The following FBXO3 variants were observed in gnomAD, a reference collection of about 807,000 sequenced individuals.
FBXO3 encodes the protein F-box protein 3.
Under a neutral mutation model 64.8 loss-of-function variants are expected in FBXO3, and 17 were observed. That is an observed-to-expected ratio of 0.26 (90% CI 0.18 to 0.39). The LOEUF is 0.39. FBXO3 is among the 10% of genes least tolerant of loss of function. The pLI, the probability that FBXO3 is intolerant of heterozygous loss-of-function variation, is 1.00. For missense variants in FBXO3, 420 were observed against 589.9 expected (o/e 0.71, Z 2.98); for synonymous variants, 182 against 201.6 (o/e 0.90, Z 0.82).
At chr11:33,763,767 C>T (rs1855299753) in intron 3 of FBXO3, among the ~76,000 whole-genome samples, 3 of 152,136 alleles carry the variant, frequency 2.0e-5, no homozygotes, top group Non-Finnish European at 4.4e-5. Flanking sequence ...TGAAGGCCCT[C>T]GCCAGTGCAG....
chr11:33,770,895 T>G (rs908484236), intron 1 of FBXO3, 65 bp from the exon 2 acceptor site: 16 of 1,267,196 alleles, frequency 1.3e-5, no homozygotes, highest in Non-Finnish European at 1.8e-5. Flanking sequence ...AAATAAAGAT[T>G]AAAATATTCA....
At chr11:33,768,062 T>C (rs1855420162) in intron 3 of FBXO3, among the ~76,000 whole-genome samples, 1 of 152,210 alleles carries the variant, frequency 6.6e-6, no homozygotes, top group Non-Finnish European at 1.5e-5. Flanking sequence ...AAAGAGTCTT[T>C]AGTTCTAAAG....
At chr11:33,774,170 T>G in intron 1 of FBXO3, 2 of 486,244 alleles carry the variant, frequency 4.1e-6, no homozygotes, top group Non-Finnish European at 3.7e-6. Flanking sequence ...ATCTCGTCGC[T>G]TCTCATACCT....
At chr11:33,768,679 G>A in intron 3 of FBXO3, 172 bp downstream of exon 3, 1 of 671,574 alleles carries the variant, frequency 1.5e-6, no homozygotes. Flanking sequence ...AGAAAAAACA[G>A]GGTAAGCACT....
chr11:33,748,917 A>T, intron 8 of FBXO3, 25 bp from the exon 9 acceptor site: 1 of 1,515,242 alleles, frequency 6.6e-7, no homozygotes, highest in Non-Finnish European at 9.2e-7. Flanking sequence ...GGGGTGGTAG[A>T]GACAAAAATC....
At chr11:33,766,321 A>G (rs147315710) in intron 3 of FBXO3, among the ~76,000 whole-genome samples, 1 of 152,322 alleles carries the variant, frequency 6.6e-6, no homozygotes, top group Non-Finnish European at 1.5e-5. Flanking sequence ...TACTAGCATA[A>G]ATCAGGATGG....
chr11:33,756,531 T>C (rs554521230), intron 4 of FBXO3, among the ~76,000 whole-genome samples: 10 of 152,302 alleles, frequency 6.6e-5, no homozygotes, highest in African/African-American at 2.2e-4. Flanking sequence ...GCTTGAGCCA[T>C]GTATAGATAA....
chr11:33,770,667 G>T, intron 2 of FBXO3, 74 bp downstream of exon 2: 2 of 1,092,812 alleles, frequency 1.8e-6, no homozygotes, highest in Non-Finnish European at 1.4e-6. Context: ...TTAGAGAGGA[G>T]AATCAGGACA....
intron 10 of FBXO3, 33 bp downstream of exon 10, chr11:33,747,097 T>C (rs1429758135): frequency 6.2e-7 from 1 of 1,607,626 alleles, no homozygotes; most frequent in Non-Finnish European, 8.5e-7. Context: ...TACAAAGTCA[T>C]GTAAATCAGC....
At position 33,741,799 on chromosome 11, in the gene FBXO3, C is replaced by T. The variant is rs1009644561; in HGVS notation, c.*109G>A. 11 of 1,088,662 alleles carry T rather than the reference C, an allele frequency of 1.0e-5. No homozygotes were observed. In the East Asian group the frequency reaches 3.2e-4, roughly 32 times the overall value. 67.4% of individuals were successfully genotyped at this position (1,088,662 alleles called of 1,614,324 possible). A position where few individuals can be genotyped will look rare whatever the true frequency, so the allele number is the denominator to read the frequency against. On this transcript the variant is annotated 3_prime_UTR_variant, in exon 11 of 11. Coordinates refer to ENST00000265651, the MANE Select transcript of FBXO3 (RefSeq NM_012175.4). ...GAACCCAGGGCCTGAAACAATATTT[C>T]ATGCTAGTTTTCCTGCTATATGCAG...
intron 3 of FBXO3, among the ~76,000 whole-genome samples, chr11:33,763,507 G>A (rs1170072237): frequency 6.6e-6 from 1 of 151,078 alleles, no homozygotes; most frequent in Admixed American, 6.6e-5. Flanking sequence ...GAAAAATCAT[G>A]AGAATCATAA....
At chr11:33,762,368 C>G (rs1331066769) in intron 3 of FBXO3, among the ~76,000 whole-genome samples, 1 of 152,164 alleles carries the variant, frequency 6.6e-6, no homozygotes, top group African/African-American at 2.4e-5. Flanking sequence ...ACACAAAACA[C>G]TGACCAAAAT....
intron 4 of FBXO3, 73 bp downstream of exon 4, chr11:33,758,408 CTACAAA>C: frequency 9.4e-7 from 1 of 1,065,636 alleles, no homozygotes; most frequent in South Asian, 1.7e-5. Flanking sequence ...TTAAGGGTAA[CTACAAA>C]TACAATTTAT....
intron 5 of FBXO3, among the ~76,000 whole-genome samples, chr11:33,755,098 C>T (rs971843502): frequency 2.6e-5 from 4 of 152,046 alleles, no homozygotes; most frequent in African/African-American, 9.7e-5. Context: ...TCTCAAACTC[C>T]TGATCTCAGT....
At chr11:33,751,479 T>C (rs1854954986) in intron 7 of FBXO3, 44 bp downstream of exon 7, 2 of 1,283,004 alleles carry the variant, frequency 1.6e-6, no homozygotes, top group South Asian at 2.5e-5. Context: ...CATTTTTCTC[T>C]GATTTACAAT....
intron 10 of FBXO3, chr11:33,746,890 C>T: frequency 7.0e-7 from 1 of 1,422,386 alleles, no homozygotes. Flanking sequence ...ACATTTAGGC[C>T]ACTGAACAGT....
intron 10 of FBXO3, 180 bp from the exon 11 acceptor site, chr11:33,742,264 A>C: frequency 2.2e-6 from 1 of 456,200 alleles, no homozygotes; most frequent in East Asian, 3.4e-5. Context: ...AGTGGATTCT[A>C]TATCTTGTGT....
intron 6 of FBXO3, chr11:33,752,974 C>T (rs554925972): frequency 7.2e-5 from 11 of 152,296 alleles, no homozygotes; most frequent in Admixed American, 3.9e-4. Context: ...CACTACTAAA[C>T]TTATCTGACA....
intron 10 of FBXO3, chr11:33,746,915 A>G: frequency 7.0e-7 from 1 of 1,425,780 alleles, no homozygotes; most frequent in African/African-American, 1.4e-5. Flanking sequence ...AACAAGTTGA[A>G]TCTTTAAAAC....
Sources: gnomAD v4.1 joint callset for allele counts (sites outside exome capture counted in the v4.1 genomes callset) on GRCh38, gnomAD v4.1.1 for gene constraint, MANE v1.5 for transcripts, NCBI Gene and HGNC (gene_info 2026-07-23, HGNC 2026-07-21) for gene names.